The following TNIK variants were observed in gnomAD, a reference collection of about 807,000 sequenced individuals.
TNIK encodes TRAF2 and NCK interacting kinase.
A neutral mutation model predicts 191.3 loss-of-function variants in TNIK; 49 were observed. That is an observed-to-expected ratio of 0.26 (90% CI 0.20 to 0.32). The LOEUF (loss-of-function observed/expected upper bound fraction) is 0.32, where lower values mean the gene tolerates loss of function less well. TNIK is among the 10% of genes least tolerant of loss of function. The pLI is 1.00. For missense variants in TNIK, 1,155 were observed against 1,702.3 expected, an observed-to-expected ratio of 0.68 and a Z score of 5.66; for synonymous variants, 594 against 600.9, an observed-to-expected ratio of 0.99 and a Z score of 0.17.
chr3:171,097,730 T>C (rs1307415406), intron 22 of TNIK, among the ~76,000 whole-genome samples: 2 of 152,180 alleles, frequency 1.3e-5, no homozygotes, highest in African/African-American at 2.4e-5. Context: ...TCTTTTTCTT[T>C]ATAACTTTAT....
intron 1 of TNIK, among the ~76,000 whole-genome samples, chr3:171,376,979 G>A (rs908337932): frequency 2.0e-5 from 3 of 152,134 alleles, no homozygotes; most frequent in African/African-American, 7.2e-5. Context: ...TTCTTCATCT[G>A]TAATTTGGGA....
At chr3:171,066,451 C>G (rs1718436780) in intron 31 of TNIK, 125 bp from the exon 32 acceptor site, 1 of 1,498,898 alleles carries the variant, frequency 6.7e-7, no homozygotes, top group Non-Finnish European at 9.1e-7. Flanking sequence ...GCAAGTCTTA[C>G]AAGAGTTATT....
Position 171,167,157 on chromosome 3 carries a change from C to T in TNIK, c.887G>A (p.Arg296Gln), listed in dbSNP as rs1304875668. Residue 296 changes from arginine to glutamine, a missense_variant, in exon 10 of 33, where the codon CGA (arginine) becomes CAA (glutamine). Physicochemically the swap from Arg to Gln is conservative, Grantham distance 43 (BLOSUM62 1). This residue lies in a region of TNIK where 225 missense variants were observed against 438.9 expected (regional missense o/e 0.51). Coordinates refer to ENST00000436636, the MANE Select transcript of TNIK (RefSeq NM_015028.4). ...GTCCTTGAGTTGAATGCGGACCTGT[C>T]GCTCATTAGGTTGGTCTCGTATAAA... ...HPFIRDQPNE[R>Q]QVRIQLKDHI... 8.1e-6 allele frequency: 13 copies of T among 1,613,730 alleles called. No homozygotes were observed. The highest frequency in any genetic ancestry group is 2.2e-5 in the East Asian group (1 of 44,900).
chr3:171,284,912 A>C (rs1750855314), intron 2 of TNIK, among the ~76,000 whole-genome samples: 1 of 152,218 alleles, frequency 6.6e-6, no homozygotes, highest in Non-Finnish European at 1.5e-5. Flanking sequence ...CGCTGACTAA[A>C]AGACAGAAAG....
chr3:171,272,629 C>A (rs1002708609), intron 2 of TNIK, among the ~76,000 whole-genome samples: 1 of 152,088 alleles, frequency 6.6e-6, no homozygotes, highest in Non-Finnish European at 1.5e-5. Context: ...GCTGTTGATG[C>A]TTTGTCTTGC....
intron 2 of TNIK, among the ~76,000 whole-genome samples, chr3:171,330,436 A>C (rs1384829245): frequency 6.6e-6 from 1 of 152,160 alleles, no homozygotes; most frequent in Non-Finnish European, 1.5e-5. Flanking sequence ...AGCCAACCAA[A>C]TTGTCTCTTA....
chr3:171,126,142 G>A lies in TNIK; in HGVS notation c.1783C>T (p.Leu595=). The A allele has an allele frequency of 2.6e-6, 4 of 1,536,020 alleles. No homozygotes were observed. Among genetic ancestry groups the A allele is most frequent in the Non-Finnish European group, 3.5e-6 (4 of 1,145,638 alleles). The change falls in exon 17 of 33, where the codon CTG becomes TTG. Residue 595 remains leucine (L), a synonymous_variant. Transcript: ENST00000436636. The stretch of plus-strand genomic sequence containing the variant: ...GGTCCCTGGGATTTTACAGCTACCA[G>A]ATGTGGGATCTAAGCATCAAAACAA... The part of the protein sequence containing the change: ...LRPVDPQIPH[L]VAVKSQGPAL...
rs1717655969 is a variant in TNIK, at chr3:171,059,659, G to T, written c.*4222C>A. On this transcript the variant is annotated 3_prime_UTR_variant, in exon 33 of 33. Coordinates refer to ENST00000436636, the MANE Select transcript of TNIK (RefSeq NM_015028.4). ...CCATGAAAGGACAGCTTACTTTAGG[G>T]TTCCTGATATATAGTGACCAAGGAG... Among the ~76,000 whole-genome samples, 1 of 152,150 alleles carries T rather than the reference G, an allele frequency of 6.6e-6. No individual in the cohort carries two copies. The highest frequency in any genetic ancestry group is 1.5e-5 in the Non-Finnish European group (1 of 68,024).
In TNIK at chr3:171,152,403, G is replaced by T. The variant is rs116110810; in HGVS notation, c.1221+5057C>A. Reference sequence around the variant, plus strand: ...GAATTCCAACACAAGCATAAGGTGGGTCTCATTAGAAATATTTAAGCTGAA... The same window carrying T: ...GAATTCCAACACAAGCATAAGGTGGTTCTCATTAGAAATATTTAAGCTGAA... On this transcript the variant is annotated intron_variant, in intron 12 of 32. Transcript: ENST00000436636. Among the ~76,000 whole-genome samples, 105 of 152,286 alleles carry T rather than the reference G, an allele frequency of 6.9e-4. 1 individual carries two copies. The highest frequency in any genetic ancestry group is 2.3e-3 in the African/African-American group (95 of 41,566).
In TNIK at chr3:171,084,161, G is replaced by T; in HGVS notation, c.3163C>A (p.Leu1055Met). 6.2e-7 allele frequency: 1 copy of T among 1,605,500 alleles called. No homozygotes were observed. The highest frequency in any genetic ancestry group is 8.5e-7 in the Non-Finnish European group (1 of 1,176,218). ...AAAAAAAGCACCAACATACCCCACA[G>T]AGCTGCACAAAGTATTTCTGAGTTG... ...RFNSEILCAA[L>M]WGVNLLVGTE... The change falls in exon 26 of 33, where the codon CTG (leucine) becomes ATG (methionine). Residue 1055 changes from leucine (L) to methionine (M), a missense_variant. Physicochemically the swap from Leu to Met is conservative, Grantham distance 15. This residue lies in a region of TNIK where 195 missense variants were observed against 415.4 expected (regional missense o/e 0.47). Transcript: ENST00000436636.
At chr3:171,157,867 C>A (rs1047747563) in intron 11 of TNIK, among the ~76,000 whole-genome samples, 3 of 152,218 alleles carry the variant, frequency 2.0e-5, no homozygotes, top group Non-Finnish European at 4.4e-5. Flanking sequence ...TTCAGTACGA[C>A]TGTGGCCAAC....
intron 29 of TNIK, among the ~76,000 whole-genome samples, chr3:171,069,651 A>G (rs1718932722): frequency 6.6e-6 from 1 of 152,218 alleles, no homozygotes; most frequent in Admixed American, 6.5e-5. Context: ...GATCTTGCCA[A>G]GTTTGTCAAA....
At chr3:171,442,883 T>C (rs1470748809) in intron 1 of TNIK, among the ~76,000 whole-genome samples, 1 of 152,184 alleles carries the variant, frequency 6.6e-6, no homozygotes, top group Non-Finnish European at 1.5e-5. Flanking sequence ...CACTTTTACA[T>C]CTGTTCTTCT....
chr3:171,099,582 A>G (rs1357384374), intron 22 of TNIK, among the ~76,000 whole-genome samples: 1 of 152,160 alleles, frequency 6.6e-6, no homozygotes, highest in Non-Finnish European at 1.5e-5. Flanking sequence ...ATCATAGTCC[A>G]GAAAAGGAGA....
At chr3:171,351,512 G>A (rs1313877445) in intron 2 of TNIK, among the ~76,000 whole-genome samples, 4 of 152,094 alleles carry the variant, frequency 2.6e-5, no homozygotes, top group African/African-American at 9.7e-5. Flanking sequence ...GAGAGGAAAA[G>A]AATTCATTTA....
At chr3:171,082,210 C>G (rs752147015) in intron 27 of TNIK, 41 bp downstream of exon 27, 1 of 1,597,306 alleles carries the variant, frequency 6.3e-7, no homozygotes. Flanking sequence ...ATCCCTTTCC[C>G]GCTGTATGGA....
At chr3:171,233,292 C>T (rs954147232) in intron 2 of TNIK, among the ~76,000 whole-genome samples, 1 of 148,738 alleles carries the variant, frequency 6.7e-6, no homozygotes, top group Non-Finnish European at 1.5e-5. Flanking sequence ...CTGATCATAA[C>T]CAGCACTGTG....
intron 2 of TNIK, among the ~76,000 whole-genome samples, chr3:171,255,284 C>G (rs1186048822): frequency 1.3e-5 from 2 of 152,078 alleles, no homozygotes; most frequent in Non-Finnish European, 2.9e-5. Flanking sequence ...TCAAATGAAC[C>G]AAAAAGATTC....
intron 3 of TNIK, among the ~76,000 whole-genome samples, chr3:171,218,163 T>C (rs1741688602): frequency 6.6e-6 from 1 of 152,166 alleles, no homozygotes; most frequent in African/African-American, 2.4e-5. Context: ...TTAAGCAATA[T>C]GTCCAGGGTC....
Sources: allele counts gnomAD v4.1 joint callset (sites outside exome capture counted in the v4.1 genomes callset), GRCh38; gene constraint gnomAD v4.1.1; regional missense constraint gnomAD v4.1.1; transcripts MANE v1.5; gene names NCBI Gene and HGNC (gene_info 2026-07-23, HGNC 2026-07-21).